RXFP1: variants seen among roughly 807,000 people sequenced by gnomAD.
The protein encoded by RXFP1 is relaxin family peptide receptor 1.
Under a neutral mutation model 89.8 loss-of-function variants are expected in RXFP1, and 73 were observed. That is an observed-to-expected ratio of 0.81 (90% CI 0.67 to 0.99). The LOEUF is 0.99. Among genes scored for constraint, RXFP1 ranks in the 50% least tolerant of loss-of-function variants. RXFP1 has a pLI of 0.00. For synonymous variants in RXFP1, 277 were observed against 305.5 expected, an observed-to-expected ratio of 0.91 and a Z score of 0.97; for missense variants, 793 against 895.5, an observed-to-expected ratio of 0.89 and a Z score of 1.46.
Position 158,651,869 on chromosome 4 carries a change from G to A in RXFP1, c.2088G>A (p.Trp696Ter). The A allele has an allele frequency of 6.2e-7, 1 of 1,614,032 alleles. No homozygotes were observed. The highest frequency in any genetic ancestry group is 1.3e-5 in the African/African-American group (1 of 74,994). The stretch of plus-strand genomic sequence containing the variant: ...TTAAAGAAATGATTCATCGGTTTTG[G>A]TATAACTACAGACAAAGAAAATCTA... ...RPFKEMIHRF[W>*]YNYRQRKSMD... is the part of the protein sequence containing the mutation. Residue 696 changes from tryptophan (W) to a stop codon, truncating the protein, a stop_gained, in exon 18 of 18, where the codon TGG becomes TGA. Transcript: ENST00000307765. LOFTEE classifies it high-confidence loss of function.
At chr4:158,589,606 C>A (rs576389624) in intron 2 of RXFP1, among the ~76,000 whole-genome samples, 4 of 152,118 alleles carry the variant, frequency 2.6e-5, no homozygotes, top group Admixed American at 2.0e-4. Context: ...CTACAACTAA[C>A]CTCATCAGAC....
intron 1 of RXFP1, among the ~76,000 whole-genome samples, chr4:158,522,928 C>T (rs1026774321): frequency 2.6e-5 from 4 of 152,152 alleles, no homozygotes; most frequent in African/African-American, 9.7e-5. Flanking sequence ...AGGAATGTCT[C>T]AGGGTAACTT....
At chr4:158,599,265 A>G (rs1761225452) in intron 3 of RXFP1, 61 bp from the exon 4 acceptor site, 2 of 1,609,168 alleles carry the variant, frequency 1.2e-6, no homozygotes, top group Middle Eastern at 1.7e-4. Flanking sequence ...CTTTCTTTTC[A>G]TTACCCTCCT....
At chr4:158,564,812 C>A (rs1753211753) in intron 1 of RXFP1, among the ~76,000 whole-genome samples, 1 of 152,162 alleles carries the variant, frequency 6.6e-6, no homozygotes, top group Non-Finnish European at 1.5e-5. Context: ...TGTGTTATTG[C>A]ACTGTGAATT....
rs868367963 is a variant in RXFP1, at chr4:158,619,407, A to G, written c.755+2202A>G. 1.2e-4 allele frequency among the ~76,000 whole-genome samples: 19 copies of G among 152,218 alleles called. 1 individual carries two copies. The highest frequency in any genetic ancestry group is 4.6e-4 in the African/African-American group (19 of 41,440). On this transcript the variant is annotated intron_variant, in intron 9 of 17. Coordinates refer to ENST00000307765, the MANE Select transcript of RXFP1 (RefSeq NM_021634.4). ...AGCAACAAGAAGATGTGGGACATAC[A>G]TACTATTTCACCTTTGGCAGAGCAC...
chr4:158,626,674 G>T (rs894577895), intron 9 of RXFP1, 146 bp from the exon 10 acceptor site: 18 of 448,284 alleles, frequency 4.0e-5, no homozygotes, highest in Non-Finnish European at 6.2e-5. Context: ...AATTTCAGCT[G>T]TAATAGAAAT....
At chr4:158,570,369 G>A (rs1754777402) in intron 1 of RXFP1, among the ~76,000 whole-genome samples, 1 of 152,150 alleles carries the variant, frequency 6.6e-6, no homozygotes, top group African/African-American at 2.4e-5. Context: ...GTATTGAGCT[G>A]AGTTAGAAAA....
In RXFP1 at chr4:158,645,147, T is replaced by A. The variant is rs921203315; in HGVS notation, c.1345+9T>A. On this transcript the variant is annotated intron_variant, in intron 15 of 17. Transcript: ENST00000307765. ...AATCATTTCTCTCTGCTGTGAGTATTTCCTGGTTAAAGGAGAATTGTAGTT... is the reference window on the plus strand; with the variant it reads ...AATCATTTCTCTCTGCTGTGAGTATATCCTGGTTAAAGGAGAATTGTAGTT... 3 of 1,591,506 alleles carry A rather than the reference T, an allele frequency of 1.9e-6. No individual in the cohort carries two copies. The highest frequency in any genetic ancestry group is 3.3e-5 in the Admixed American group (2 of 59,940).
In RXFP1 at chr4:158,578,570, T is replaced by C. The variant is rs559033682; in HGVS notation, c.187+5735T>C. 3.3e-5 allele frequency among the ~76,000 whole-genome samples: 5 copies of C among 152,352 alleles called. No homozygotes were observed. In the South Asian group the frequency reaches 1.0e-3, roughly 32 times the overall value. Reference sequence around the variant, plus strand: ...GATGCTGTTAAATTAGTTCACTTCCTCTAGATTTGTATTTAAAAGAAACTC... The same window carrying C: ...GATGCTGTTAAATTAGTTCACTTCCCCTAGATTTGTATTTAAAAGAAACTC... On this transcript the variant is annotated intron_variant, in intron 2 of 17. Coordinates refer to ENST00000307765, the MANE Select transcript of RXFP1 (RefSeq NM_021634.4).
At chr4:158,570,686 C>T (rs1465959725) in intron 1 of RXFP1, among the ~76,000 whole-genome samples, 1 of 152,154 alleles carries the variant, frequency 6.6e-6, no homozygotes, top group African/African-American at 2.4e-5. Flanking sequence ...AAGTCTCCTA[C>T]CCAATGGCAC....
chr4:158,641,707 C>T (rs1258949819), intron 14 of RXFP1, among the ~76,000 whole-genome samples: 2 of 152,058 alleles, frequency 1.3e-5, no homozygotes, highest in African/African-American at 2.4e-5. Flanking sequence ...CACTAAAGAT[C>T]GTTTATATTT....
At chr4:158,594,198 A>G (rs1760078743) in intron 3 of RXFP1, among the ~76,000 whole-genome samples, 1 of 152,098 alleles carries the variant, frequency 6.6e-6, no homozygotes, top group Non-Finnish European at 1.5e-5. Context: ...ACATGGTTCC[A>G]TATCACAGCC....
At chr4:158,544,150 A>G (rs1747576559) in intron 1 of RXFP1, 1 of 983,270 alleles carries the variant, frequency 1.0e-6, no homozygotes, top group Non-Finnish European at 1.2e-6. Context: ...AGAATCTAGA[A>G]CCACTGTCTT....
rs774210101 is a variant in RXFP1, at chr4:158,599,382, G to A, written c.343G>A (p.Glu115Lys). 5.6e-6 allele frequency: 9 copies of A among 1,613,782 alleles called. 1 individual carries two copies. The highest frequency in any genetic ancestry group is 2.2e-5 in the South Asian group (2 of 91,042). ...LCQGLELDCDETNLRAVPSVS... is the reference protein window; with the variant it reads ...LCQGLELDCDKTNLRAVPSVS... ...CCAAGGTCTGGAGCTTGACTGTGAT[G>A]AAACCAATTTACGAGCTGTTCCATC... The change falls in exon 4 of 18, where the codon GAA becomes AAA. Residue 115 changes from glutamate to lysine, a missense_variant. Transcript: ENST00000307765.
In RXFP1 at chr4:158,647,112, A is replaced by G. The variant is rs761844360; in HGVS notation, c.1667A>G (p.Tyr556Cys). The G allele has an allele frequency of 3.1e-6, 5 of 1,613,968 alleles. No homozygotes were observed. In the South Asian group the frequency reaches 3.3e-5, roughly 11 times the overall value. ...AGCAATAAGGAATTTTTCAAAAACT[A>G]CTATGGCACCAATGGAGTATGCTTC... ...PLSNKEFFKN[Y>C]YGTNGVCFPL... is the part of the protein sequence containing the mutation. Residue 556 changes from tyrosine (Y) to cysteine (C), a missense_variant, in exon 16 of 18, where the codon TAC becomes TGC. Coordinates refer to ENST00000307765, the MANE Select transcript of RXFP1 (RefSeq NM_021634.4).
At chr4:158,608,198 T>C (rs547354000) in intron 6 of RXFP1, among the ~76,000 whole-genome samples, 155 bp downstream of exon 6, 1 of 151,988 alleles carries the variant, frequency 6.6e-6, no homozygotes, top group East Asian at 1.9e-4. Flanking sequence ...GAGCATAGGA[T>C]TGTGAGTTAG....
intron 1 of RXFP1, among the ~76,000 whole-genome samples, chr4:158,542,272 A>G (rs537058545): frequency 6.6e-6 from 1 of 151,254 alleles, no homozygotes; most frequent in South Asian, 2.1e-4. Flanking sequence ...GCTCCAATCC[A>G]GGATCACACA....
intron 2 of RXFP1, among the ~76,000 whole-genome samples, chr4:158,584,742 A>AC (rs1363049535): frequency 1.3e-5 from 2 of 152,036 alleles, no homozygotes; most frequent in African/African-American, 4.8e-5. Context: ...CTGAGTCCTA[A>AC]CCCCCCACCC....
At chr4:158,574,247 G>C (rs1755753600) in intron 2 of RXFP1, among the ~76,000 whole-genome samples, 1 of 152,182 alleles carries the variant, frequency 6.6e-6, no homozygotes, top group African/African-American at 2.4e-5. Context: ...ATTATGCAAA[G>C]TGTCACATAA....
Sources: gnomAD v4.1 joint callset for allele counts (sites outside exome capture counted in the v4.1 genomes callset) on GRCh38, gnomAD v4.1.1 for gene constraint, MANE v1.5 for transcripts, NCBI Gene and HGNC (gene_info 2026-07-23, HGNC 2026-07-21) for gene names.